Variants in PRTG observed in about 807,000 individuals in gnomAD.
The protein encoded by PRTG is immunoglobulin superfamily, DCC subclass, member 5.
A neutral mutation model predicts 122.5 loss-of-function variants in PRTG; 67 were observed. That is an observed-to-expected ratio of 0.55 (90% confidence interval 0.45 to 0.67). The LOEUF is 0.67. Among genes scored for constraint, PRTG ranks in the 30% least tolerant of loss-of-function variants. The pLI, the probability that PRTG is intolerant of heterozygous loss-of-function variation, is 0.00. For synonymous variants in PRTG, 554 were observed against 501.1 expected (o/e 1.11, Z -1.41); for missense variants, 1,435 against 1,415.4 (o/e 1.01, Z -0.22).
intron 15 of PRTG, among the ~76,000 whole-genome samples, chr15:55,633,849 C>T (rs555488668): frequency 6.6e-6 from 1 of 152,228 alleles, no homozygotes; most frequent in African/African-American, 2.4e-5. Flanking sequence ...ATGACAAAAG[C>T]TTTTCACAAA....
At chr15:55,657,059 A>G (rs1258080598) in intron 11 of PRTG, among the ~76,000 whole-genome samples, 1 of 152,216 alleles carries the variant, frequency 6.6e-6, no homozygotes, top group Non-Finnish European at 1.5e-5. Context: ...TAAAATGTAC[A>G]CAGCACTGGA....
At chr15:55,638,767 T>C (rs1486261220) in intron 13 of PRTG, 91 bp from the exon 14 acceptor site, 1 of 1,148,788 alleles carries the variant, frequency 8.7e-7, no homozygotes. Flanking sequence ...AAGGGCATAA[T>C]GTTATTTTTC....
At chr15:55,669,971 G>A (rs1377480755) in intron 11 of PRTG, among the ~76,000 whole-genome samples, 1 of 152,028 alleles carries the variant, frequency 6.6e-6, no homozygotes, top group African/African-American at 2.4e-5. Context: ...CATACACAGT[G>A]GATTTTACAA....
At chr15:55,665,209 G>A (rs2059432374) in intron 11 of PRTG, among the ~76,000 whole-genome samples, 1 of 151,950 alleles carries the variant, frequency 6.6e-6, no homozygotes, top group African/African-American at 2.4e-5. Flanking sequence ...GCAGTGAGCC[G>A]AGATCGCGCC....
chr15:55,673,464 A>G lies in PRTG; in HGVS notation c.1759T>C (p.Tyr587His). 6.2e-7 allele frequency: 1 copy of G among 1,614,122 alleles called. No individual in the cohort carries two copies. Among genetic ancestry groups the G allele is most frequent in the Non-Finnish European group, 8.5e-7 (1 of 1,179,980 alleles). Residue 587 changes from tyrosine to histidine, a missense_variant, in exon 10 of 20, where the codon TAC becomes CAC. By Grantham distance (83) the Tyr-to-His change is moderately conservative (BLOSUM62 2). Coordinates refer to ENST00000389286, the MANE Select transcript of PRTG (RefSeq NM_173814.6). Reference protein sequence around the residue: ...LLEGLKPDSVYLVRITAATRV... With the variant: ...LLEGLKPDSVHLVRITAATRV... ...GTGGCAGCAGTAATCCGAACCAGGT[A>G]GACACTGTCAGGTTTCAGGCCTTCC...
intron 1 of PRTG, among the ~76,000 whole-genome samples, chr15:55,741,356 T>C (rs2031600900): frequency 6.6e-6 from 1 of 152,208 alleles, no homozygotes; most frequent in Non-Finnish European, 1.5e-5. Flanking sequence ...GGTGATCGGA[T>C]TAAGAAACTT....
At chr15:55,741,927 G>A (rs1466688278) in intron 1 of PRTG, among the ~76,000 whole-genome samples, 1 of 152,114 alleles carries the variant, frequency 6.6e-6, no homozygotes, top group Non-Finnish European at 1.5e-5. Context: ...AAAGCCTAGC[G>A]TCTGTAACCT....
At chr15:55,686,265 T>C (rs534992483) in intron 2 of PRTG, among the ~76,000 whole-genome samples, 4 of 152,294 alleles carry the variant, frequency 2.6e-5, no homozygotes, top group African/African-American at 9.6e-5. Flanking sequence ...TATTCACCTT[T>C]TCCATGTGTG....
intron 11 of PRTG, among the ~76,000 whole-genome samples, chr15:55,646,413 A>C (rs1345731069): frequency 3.3e-5 from 5 of 151,432 alleles, no homozygotes; most frequent in Middle Eastern, 3.4e-3. Flanking sequence ...AGCTCCGCCT[A>C]CAGGGTTCAC....
At chr15:55,638,205 A>C (rs1287628741) in intron 14 of PRTG, among the ~76,000 whole-genome samples, 1 of 152,226 alleles carries the variant, frequency 6.6e-6, no homozygotes, top group Non-Finnish European at 1.5e-5. Flanking sequence ...ACTTCATTAT[A>C]ACGTTGGCTC....
intron 2 of PRTG, among the ~76,000 whole-genome samples, chr15:55,737,924 T>C (rs1352053042): frequency 1.3e-5 from 2 of 149,372 alleles, no homozygotes; most frequent in African/African-American, 4.9e-5. Context: ...AAAAGAGAAC[T>C]AGCTTTAAAA....
intron 15 of PRTG, among the ~76,000 whole-genome samples, chr15:55,630,592 T>C (rs1439530081): frequency 6.6e-6 from 1 of 152,198 alleles, no homozygotes; most frequent in Non-Finnish European, 1.5e-5. Flanking sequence ...AATTTATACA[T>C]GACATTTGAT....
rs755544008 is a variant in PRTG, at chr15:55,638,627, C to T, written c.2374G>A (p.Glu792Lys). The T allele has an allele frequency of 5.0e-6, 8 of 1,613,186 alleles. No individual in the cohort carries two copies. Among genetic ancestry groups the T allele is most frequent in the East Asian group, 2.2e-5 (1 of 44,836 alleles). The part of the protein sequence containing the change: ...VQGLEPNTKY[E>K]FAVRLHVDQL... Reference sequence around the variant, plus strand: ...TCCACATGTAATCGAACGGCAAATTCGTATTTGGTGTTTGGTTCTAGACCT... The same window carrying T: ...TCCACATGTAATCGAACGGCAAATTTGTATTTGGTGTTTGGTTCTAGACCT... The change falls in exon 14 of 20, where the codon GAA becomes AAA. Residue 792 changes from glutamate (E) to lysine (K), a missense_variant. Glu to Lys is a moderately conservative substitution (Grantham distance 56). Coordinates refer to ENST00000389286, the MANE Select transcript of PRTG (RefSeq NM_173814.6).
chr15:55,711,425 T>C (rs2030383442), intron 2 of PRTG, among the ~76,000 whole-genome samples: 1 of 152,136 alleles, frequency 6.6e-6, no homozygotes, highest in African/African-American at 2.4e-5. Context: ...CAATGTAATT[T>C]TGCAGTTTCT....
chr15:55,699,003 C>G (rs957787853), intron 2 of PRTG, among the ~76,000 whole-genome samples: 2 of 152,164 alleles, frequency 1.3e-5, no homozygotes, highest in African/African-American at 4.8e-5. Flanking sequence ...GCGCTCTTCT[C>G]AGCAACTGCT....
rs1207967557 is a variant in PRTG at position 55,672,570 on chromosome 15, T to A, written c.1916A>T (p.Gln639Leu). 1.7e-5 allele frequency: 27 copies of A among 1,614,026 alleles called. No homozygotes were observed. Among genetic ancestry groups the A allele is most frequent in the Non-Finnish European group, 2.3e-5 (27 of 1,180,026 alleles). Residue 639 changes from glutamine (Q) to leucine (L), a missense_variant, in exon 11 of 20, where the codon CAG becomes CTG. By Grantham distance (113) the Gln-to-Leu change is moderately radical. Transcript: ENST00000389286. ...LNCTTISVRW[Q>L]QDVEDTAAIQ... The stretch of plus-strand genomic sequence containing the variant: ...AGCAGCTGTGTCCTCTACATCTTGC[T>A]GCCACCTCACAGAAATGGTGGTACA...
chr15:55,639,743 G>C lies in PRTG; in HGVS notation c.2223C>G (p.His741Gln), dbSNP rs774504240. Residue 741 changes from histidine to glutamine, a missense_variant, in exon 13 of 20, where the codon CAC becomes CAG. His to Gln is a conservative substitution (Grantham distance 24). Transcript: ENST00000389286. The stretch of plus-strand genomic sequence containing the variant: ...CAGCGGTGAATGCAGGCCTCCTCCA[G>C]TGCAGGAAGATGGAAGATGAGGTGT... ...KANTSSSIFL[H>Q]WRRPAFTAAQ... 2.5e-6 allele frequency: 4 copies of C among 1,614,178 alleles called. No homozygotes were observed. The South Asian group carries it at 4.4e-5, about 18-fold the overall frequency.
In PRTG at chr15:55,733,276, T is replaced by G. The variant is rs376839665; in HGVS notation, c.397+7106A>C. Among the ~76,000 whole-genome samples the G allele has an allele frequency of 4.2e-3, 637 of 151,994 alleles. 7 individuals are homozygous for G. Among genetic ancestry groups the G allele is most frequent in the African/African-American group, 0.014 (590 of 41,460 alleles). On this transcript the variant is annotated intron_variant, in intron 2 of 19. Coordinates refer to ENST00000389286, the MANE Select transcript of PRTG (RefSeq NM_173814.6). ...AATCCCAGCATTTTGGGAGGCTGACTGAGGTGGTCAGATCACCTGAGGTTG... is the reference window on the plus strand; with the variant it reads ...AATCCCAGCATTTTGGGAGGCTGACGGAGGTGGTCAGATCACCTGAGGTTG...
At chr15:55,630,111 T>C (rs1412774242) in intron 15 of PRTG, among the ~76,000 whole-genome samples, 1 of 151,768 alleles carries the variant, frequency 6.6e-6, no homozygotes, top group Non-Finnish European at 1.5e-5. Context: ...CTCAGCCTCC[T>C]GAGTAGCTGG....
Sources: allele counts gnomAD v4.1 joint callset (sites outside exome capture counted in the v4.1 genomes callset), GRCh38; gene constraint gnomAD v4.1.1; transcripts MANE v1.5; gene names NCBI Gene and HGNC (gene_info 2026-07-23, HGNC 2026-07-21).